Variants in ADGRL3 observed in about 807,000 individuals in gnomAD.
ADGRL3 encodes the protein adhesion G protein-coupled receptor L3.
A neutral mutation model predicts 153.5 loss-of-function variants in ADGRL3; 62 were observed. The ratio of observed to expected loss-of-function variants is 0.40; its 90% CI spans 0.33 to 0.50. The LOEUF is 0.50. Ranked by LOEUF, ADGRL3 falls within the 20% of genes least tolerant of loss-of-function variation. The pLI, the probability that ADGRL3 is intolerant of heterozygous loss-of-function variation, is 0.47. For missense variants in ADGRL3, 1,641 were observed against 1,859.4 expected, an observed-to-expected ratio of 0.88 and a Z score of 2.16; for synonymous variants, 710 against 672.5, an observed-to-expected ratio of 1.06 and a Z score of -0.86.
Position 61,756,966 on chromosome 4 carries a change from A to C in ADGRL3, c.1399+23412A>C, listed in dbSNP as rs189439754. 7.6e-4 allele frequency among the ~76,000 whole-genome samples: 115 copies of C among 152,316 alleles called. 2 individuals are homozygous for C. The highest frequency in any genetic ancestry group is 2.5e-3 in the African/African-American group (104 of 41,566). ...AAACCAGACTTGTATCCCAGGGATG[A>C]AGCCCACTTGATCATGGTGGATAAG... On this transcript the variant is annotated intron_variant, in intron 8 of 26. Coordinates refer to ENST00000683033, the MANE Select transcript of ADGRL3 (RefSeq NM_001387552.1).
intron 11 of ADGRL3, among the ~76,000 whole-genome samples, chr4:61,897,988 A>G (rs2098641509): frequency 6.6e-6 from 1 of 152,132 alleles, no homozygotes; most frequent in South Asian, 2.1e-4. Context: ...CCTTGGGAAG[A>G]AAGATGATCT....
intron 1 of ADGRL3, among the ~76,000 whole-genome samples, chr4:61,312,666 G>A (rs2095057193): frequency 1.3e-5 from 2 of 152,140 alleles, no homozygotes; most frequent in African/African-American, 4.8e-5. Context: ...GGAATTGCAA[G>A]TTAAACAACA....
chr4:61,489,728 T>C (rs1454657931), intron 2 of ADGRL3, among the ~76,000 whole-genome samples: 4 of 152,048 alleles, frequency 2.6e-5, no homozygotes, highest in Non-Finnish European at 5.9e-5. Flanking sequence ...ATTTAACACC[T>C]CTATTGATTC....
intron 2 of ADGRL3, among the ~76,000 whole-genome samples, chr4:61,495,592 T>C (rs2098306399): frequency 6.6e-6 from 1 of 152,110 alleles, no homozygotes; most frequent in Non-Finnish European, 1.5e-5. Context: ...TGAAAGGTGC[T>C]GATTGTAAAA....
chr4:61,774,252 G>A (rs960198587), intron 8 of ADGRL3, among the ~76,000 whole-genome samples: 2 of 151,486 alleles, frequency 1.3e-5, no homozygotes, highest in African/African-American at 4.9e-5. Flanking sequence ...AGCTACTCAG[G>A]AGGCTGAGGC....
intron 9 of ADGRL3, among the ~76,000 whole-genome samples, chr4:61,829,121 C>T (rs547432030): frequency 6.6e-6 from 1 of 152,288 alleles, no homozygotes; most frequent in South Asian, 2.1e-4. Flanking sequence ...TTTGTATAGC[C>T]TATCACTATC....
intron 21 of ADGRL3, among the ~76,000 whole-genome samples, chr4:62,008,536 A>G (rs1027482065): frequency 2.6e-5 from 4 of 152,108 alleles, no homozygotes; most frequent in African/African-American, 9.7e-5. Flanking sequence ...CATGGTTCAT[A>G]AGTATTCAGT....
chr4:61,579,498 A>G, intron 4 of ADGRL3: 3 of 413,046 alleles, frequency 7.3e-6, no homozygotes, highest in Non-Finnish European at 9.4e-6. Context: ...TAGATATGAA[A>G]TGCATTTATT....
At chr4:61,985,760 G>A (rs1198188779) in intron 19 of ADGRL3, among the ~76,000 whole-genome samples, 1 of 152,094 alleles carries the variant, frequency 6.6e-6, no homozygotes. Flanking sequence ...TGAGTCCTTT[G>A]TCTTGAGTAT....
intron 11 of ADGRL3, among the ~76,000 whole-genome samples, chr4:61,898,158 A>G (rs1057140933): frequency 6.6e-6 from 1 of 152,150 alleles, no homozygotes; most frequent in Non-Finnish European, 1.5e-5. Context: ...CTTAGTGACT[A>G]TCATGTAAGT....
chr4:61,290,427 A>G (rs1225490596), intron 1 of ADGRL3, among the ~76,000 whole-genome samples: 2 of 152,064 alleles, frequency 1.3e-5, no homozygotes, highest in Non-Finnish European at 2.9e-5. Flanking sequence ...CTTTCTCACT[A>G]TTTCTCTATG....
intron 4 of ADGRL3, among the ~76,000 whole-genome samples, chr4:61,526,872 A>T (rs1233023193): frequency 7.2e-5 from 11 of 152,174 alleles, no homozygotes; most frequent in Admixed American, 6.6e-4. Flanking sequence ...TTGAATCAGT[A>T]AGTAGATGAA....
intron 2 of ADGRL3, among the ~76,000 whole-genome samples, chr4:61,470,895 C>G (rs765362043): frequency 6.6e-6 from 1 of 151,818 alleles, no homozygotes; most frequent in Non-Finnish European, 1.5e-5. Flanking sequence ...TTTAGATTAA[C>G]ATTGAAAACA....
chr4:61,214,404 C>A (rs983834891), intron 1 of ADGRL3, among the ~76,000 whole-genome samples: 1 of 152,144 alleles, frequency 6.6e-6, no homozygotes, highest in African/African-American at 2.4e-5. Flanking sequence ...AAAACTTTTT[C>A]TTTACCGTAC....
chr4:62,012,749 C>T (rs1219720263), intron 21 of ADGRL3, among the ~76,000 whole-genome samples: 1 of 152,144 alleles, frequency 6.6e-6, no homozygotes, highest in East Asian at 1.9e-4. Flanking sequence ...CTGTGTTTAA[C>T]ACCTATGATT....
intron 1 of ADGRL3, among the ~76,000 whole-genome samples, chr4:61,211,394 A>T (rs1739937692): frequency 6.6e-6 from 1 of 152,186 alleles, no homozygotes; most frequent in Non-Finnish European, 1.5e-5. Context: ...TCTCAGACTT[A>T]TACTGATCTA....
At chr4:61,765,897 G>C (rs945806352) in intron 8 of ADGRL3, among the ~76,000 whole-genome samples, 81 of 152,250 alleles carry the variant, frequency 5.3e-4, no homozygotes, top group African/African-American at 1.9e-3. Context: ...CAGAATAGCA[G>C]ATGGAACACT....
At chr4:61,837,641 C>T (rs2097956780) in intron 9 of ADGRL3, among the ~76,000 whole-genome samples, 1 of 152,032 alleles carries the variant, frequency 6.6e-6, no homozygotes, top group Admixed American at 6.6e-5. Context: ...TTATGGCAGC[C>T]TCATATTTTT....
intron 1 of ADGRL3, among the ~76,000 whole-genome samples, chr4:61,350,134 AT>A (rs1296584490): frequency 6.6e-6 from 1 of 152,154 alleles, no homozygotes; most frequent in East Asian, 1.9e-4. Context: ...AGAGAAACAA[AT>A]TCAAACATGT....
Sources: allele counts gnomAD v4.1 joint callset (sites outside exome capture counted in the v4.1 genomes callset), GRCh38; gene constraint gnomAD v4.1.1; transcripts MANE v1.5; gene names NCBI Gene and HGNC (gene_info 2026-07-23, HGNC 2026-07-21).